CYP2J2: variants seen among roughly 807,000 people sequenced by gnomAD.
CYP2J2 encodes the protein cytochrome P450 2J2.
A neutral mutation model predicts 48.8 loss-of-function variants in CYP2J2; 41 were observed. The observed-to-expected ratio is 0.84, with a 90% confidence interval of 0.66 to 1.09. The LOEUF is 1.09. Ranked by LOEUF, CYP2J2 falls within the 50% of genes least tolerant of loss-of-function variation. The probability of loss-of-function intolerance (pLI) is 0.00; values close to 1 mark genes in which losing one functional copy is unlikely to be tolerated. For synonymous variants in CYP2J2, 221 were observed against 227.1 expected (o/e 0.97, Z 0.24); for missense variants, 644 against 617.3 (o/e 1.04, Z -0.46).
the CYP2J2 span, among the ~76,000 whole-genome samples, chr1:59,935,019 T>TATATATATATATATACAC: frequency 7.2e-5 from 3 of 41,928 alleles, no homozygotes; most frequent in African/African-American, 2.0e-4. Context: ...TATATACATA[T>TATATATATATATATACAC]ATATATATAT....
intron 5 of CYP2J2, among the ~76,000 whole-genome samples, chr1:59,909,117 C>T (rs1279252811): frequency 1.3e-5 from 2 of 152,164 alleles, no homozygotes; most frequent in Non-Finnish European, 2.9e-5. Context: ...ATTCACAGGA[C>T]CTCAAACCAA....
chr1:59,917,440 A>C (rs1644476248), intron 1 of CYP2J2, among the ~76,000 whole-genome samples: 1 of 152,240 alleles, frequency 6.6e-6, no homozygotes, highest in South Asian at 2.1e-4. Context: ...TCAAGACAGA[A>C]AATGAATTAT....
chr1:59,904,880 G>A lies in CYP2J2; in HGVS notation c.1182C>T (p.His394=), dbSNP rs141398784. ...VTVDTTLAGY[H]LPKGTMILTN... is the part of the protein sequence containing the mutation. ...AGATCTGCTTAATTACCTTGGGCAG[G>A]TGGTACCCAGCCAAAGTGGTATCAA... is the stretch of plus-strand genomic sequence containing the variant. Residue 394 remains histidine (H), a synonymous_variant, in exon 7 of 9, where the codon CAC becomes CAT. Coordinates refer to ENST00000371204, the MANE Select transcript of CYP2J2 (RefSeq NM_000775.4). 1.9e-6 allele frequency: 3 copies of A among 1,613,264 alleles called. No individual in the cohort carries two copies. The highest frequency in any genetic ancestry group is 1.1e-5 in the South Asian group (1 of 90,916).
chr1:59,920,385 A>G (rs2102136261), intron 1 of CYP2J2, among the ~76,000 whole-genome samples: 1 of 152,166 alleles, frequency 6.6e-6, no homozygotes, highest in East Asian at 1.9e-4. Context: ...GGTCAATGCC[A>G]GGTGCTGGGG....
the CYP2J2 span, among the ~76,000 whole-genome samples, chr1:59,944,647 C>T: frequency 3.0e-3 from 461 of 152,312 alleles, 2 homozygotes; most frequent in Non-Finnish European, 5.5e-3. Flanking sequence ...CTATTTCCTA[C>T]GTACAAGAAT....
At chr1:59,936,371 G>A in the CYP2J2 span, among the ~76,000 whole-genome samples, 243 of 152,136 alleles carry the variant, frequency 1.6e-3, no homozygotes, top group African/African-American at 5.4e-3. Flanking sequence ...TTTACCCTGC[G>A]TCACACGTGA....
chr1:59,899,202 T>A (rs2102105390), intron 8 of CYP2J2, among the ~76,000 whole-genome samples: 1 of 152,334 alleles, frequency 6.6e-6, no homozygotes, highest in Middle Eastern at 3.4e-3. Context: ...GAATAATTAA[T>A]TATAATAACT....
rs1420046190 is a variant in CYP2J2 at position 59,893,729 on chromosome 1, C to T, written c.1431G>A (p.Glu477=). Residue 477 remains glutamate, a synonymous_variant, in exon 9 of 9, where the codon GAG becomes GAA. Transcript: ENST00000371204. ...QKFTFRPPNN[E]KLSLKFRMGI... is the part of the protein sequence containing the mutation. ...CCATTCTAAACTTCAGGCTCAGCTT[C>T]TCATTGTTTGGGGGCCTGAAGGTAA... The T allele has an allele frequency of 6.2e-7, 1 of 1,613,254 alleles. No individual in the cohort carries two copies. Among genetic ancestry groups the T allele is most frequent in the African/African-American group, 1.3e-5 (1 of 75,044 alleles).
In CYP2J2 at chr1:59,923,572, CA is replaced by C. The variant is rs1644536822; in HGVS notation, c.210+2964del. Among the ~76,000 whole-genome samples, 6 of 151,882 alleles carry C rather than the reference CA, an allele frequency of 4.0e-5. No homozygotes were observed. The South Asian group carries it at 1.2e-3, about 32-fold the overall frequency. ...TAACTATGAATAGTCTCAAAACAAA[CA>C]AAAAATTAGGACATTTTAACAAAGA... On this transcript the variant is annotated intron_variant, in intron 1 of 8. Coordinates refer to ENST00000371204, the MANE Select transcript of CYP2J2 (RefSeq NM_000775.4).
the CYP2J2 span, among the ~76,000 whole-genome samples, chr1:59,969,060 T>C: frequency 6.6e-6 from 1 of 152,210 alleles, no homozygotes; most frequent in African/African-American, 2.4e-5. Flanking sequence ...GGTGGGCTCG[T>C]GGTCTTGCTG....
chr1:59,893,951 G>A (rs1478373450), intron 8 of CYP2J2, 122 bp from the exon 9 acceptor site: 1 of 881,086 alleles, frequency 1.1e-6, no homozygotes, highest in Non-Finnish European at 1.7e-6. Context: ...AGGCCCCAGG[G>A]TGTTATGGCC....
the CYP2J2 span, among the ~76,000 whole-genome samples, chr1:59,945,382 TA>T: frequency 5.1e-4 from 77 of 151,894 alleles, no homozygotes; most frequent in African/African-American, 1.8e-3. Context: ...AATCAGAAAG[TA>T]AAATTCTCTC....
the CYP2J2 span, among the ~76,000 whole-genome samples, chr1:59,966,629 A>C: frequency 2.2e-4 from 34 of 152,252 alleles, no homozygotes; most frequent in Admixed American, 2.0e-3. Context: ...GTTGGTGAGG[A>C]CTAAGTAGGT....
Position 59,923,049 on chromosome 1 carries a change from C to T in CYP2J2, c.210+3488G>A, listed in dbSNP as rs572033139. On this transcript the variant is annotated intron_variant, in intron 1 of 8. Transcript: ENST00000371204. ...TCAGAGGGCAAATTAGGCTTTCCAG[C>T]CTTCTTCTACAGTAATAAGGAGGTG... Among the ~76,000 whole-genome samples the T allele has an allele frequency of 5.9e-5, 9 of 152,232 alleles. No individual in the cohort carries two copies. The East Asian group carries it at 1.7e-3, about 29-fold the overall frequency.
chr1:59,919,020 C>T (rs1349961843), intron 1 of CYP2J2, among the ~76,000 whole-genome samples: 1 of 151,942 alleles, frequency 6.6e-6, no homozygotes, highest in Non-Finnish European at 1.5e-5. Flanking sequence ...AATTTAATAA[C>T]CAACAGAACA....
chr1:59,893,787 A>C lies in CYP2J2; in HGVS notation c.1373T>G (p.Leu458Arg), dbSNP rs751813097. 6.2e-7 allele frequency: 1 copy of C among 1,613,204 alleles called. No individual in the cohort carries two copies. The highest frequency in any genetic ancestry group is 2.2e-5 in the East Asian group (1 of 44,878). ...CATAAGGGAAGTGAAGAAAATAAAC[A>C]GCTCAGTCCTGGCCAACTGTTCTCC... ...CLGEQLARTE[L>R]FIFFTSLMQK... The change falls in exon 9 of 9, where the codon CTG becomes CGG. Residue 458 changes from leucine to arginine, a missense_variant. Transcript: ENST00000371204.
At chr1:59,935,037 T>TATATATAC in the CYP2J2 span, among the ~76,000 whole-genome samples, 1 of 96,208 alleles carries the variant, frequency 1.0e-5, no homozygotes, top group Non-Finnish European at 2.2e-5. Context: ...TATATATATA[T>TATATATAC]ATATATATAT....
At chr1:59,965,410 TC>T in the CYP2J2 span, among the ~76,000 whole-genome samples, 1 of 152,170 alleles carries the variant, frequency 6.6e-6, no homozygotes, top group Non-Finnish European at 1.5e-5. Context: ...CTACTCCAAC[TC>T]CACGACACAA....
At chr1:59,924,652 TACAAAC>T (rs1262922858) in intron 1 of CYP2J2, among the ~76,000 whole-genome samples, 2 of 151,840 alleles carry the variant, frequency 1.3e-5, no homozygotes, top group Admixed American at 1.3e-4. Flanking sequence ...TAAAACATAA[TACAAAC>T]AGAGCTGCTA....
Sources: allele counts gnomAD v4.1 joint callset (sites outside exome capture counted in the v4.1 genomes callset), GRCh38; gene constraint gnomAD v4.1.1; transcripts MANE v1.5; gene names NCBI Gene and HGNC (gene_info 2026-07-23, HGNC 2026-07-21).